MYLIP: variants seen among roughly 807,000 people sequenced by gnomAD.
The protein encoded by MYLIP is myosin regulatory light chain interacting protein.
Under a neutral mutation model 45.8 loss-of-function variants are expected in MYLIP, and 26 were observed. The observed-to-expected ratio is 0.57, with a 90% CI of 0.42 to 0.79. MYLIP has a LOEUF of 0.79. Among genes scored for constraint, MYLIP ranks in the 30% least tolerant of loss-of-function variants. The probability of loss-of-function intolerance (pLI) is 0.00; values close to 1 mark genes in which losing one functional copy is unlikely to be tolerated. For missense variants in MYLIP, 494 were observed against 555.6 expected (o/e 0.89, Z 1.11); for synonymous variants, 213 against 218.1 (o/e 0.98, Z 0.21).
rs528154321 is a variant in MYLIP, at chr6:16,132,179, T to C, written c.278+1432T>C. Among the ~76,000 whole-genome samples the C allele has an allele frequency of 7.9e-5, 12 of 152,314 alleles. No homozygotes were observed. In the East Asian group the frequency reaches 2.3e-3, roughly 29 times the overall value. On this transcript the variant is annotated intron_variant, in intron 2 of 6. Transcript: ENST00000356840. ...AATTATTTTTTAAATCTTCAGAAGC[T>C]TGGAGTACCAAATAACTGCATTTAA...
chr6:16,152,419 G>A (rs1372210876), downstream of MYLIP, among the ~76,000 whole-genome samples: 1 of 152,218 alleles, frequency 6.6e-6, no homozygotes, highest in East Asian at 1.9e-4. Flanking sequence ...AGCAATGTCT[G>A]GAGATGTTCT....
intron 2 of MYLIP, among the ~76,000 whole-genome samples, chr6:16,139,457 T>C (rs182491500): frequency 6.6e-6 from 1 of 152,276 alleles, no homozygotes; most frequent in Non-Finnish European, 1.5e-5. Flanking sequence ...TGTGGCAATA[T>C]TCTTCAAGTC....
chr6:16,143,283 G>T, intron 4 of MYLIP, 66 bp downstream of exon 4: 4 of 1,478,312 alleles, frequency 2.7e-6, no homozygotes, highest in Non-Finnish European at 3.8e-6. Context: ...CAATGTAATA[G>T]AAAATAGGAA....
intron 1 of MYLIP, 129 bp from the exon 2 acceptor site, chr6:16,130,428 G>A: frequency 1.1e-6 from 1 of 907,290 alleles, no homozygotes; most frequent in Non-Finnish European, 1.7e-6. Flanking sequence ...TGTTTTTCCA[G>A]TTTAGATCAG....
intron 6 of MYLIP, 144 bp from the exon 7 acceptor site, chr6:16,146,518 C>G: frequency 1.6e-6 from 1 of 631,860 alleles, no homozygotes; most frequent in East Asian, 2.8e-5. Flanking sequence ...CGGCAAAGAT[C>G]TCTACCAATT....
At position 16,146,723 on chromosome 6, in the gene MYLIP, C is replaced by A; in HGVS notation, c.1310C>A (p.Thr437Asn). ...CAGCACGTCTATCTGCCAACGCACA[C>A]CAGTCTTCTCAATCTGACTGTAATC... ...HVQHVYLPTH[T>N]SLLNLTVI The change falls in exon 7 of 7, where the codon ACC (threonine) becomes AAC (asparagine). Residue 437 changes from threonine to asparagine, a missense_variant. Physicochemically the swap from Thr to Asn is moderately conservative, Grantham distance 65 (BLOSUM62 0). Transcript: ENST00000356840. 2 of 1,611,356 alleles carry A rather than the reference C, an allele frequency of 1.2e-6. No homozygotes were observed. Among genetic ancestry groups the A allele is most frequent in the Non-Finnish European group, 1.7e-6 (2 of 1,178,400 alleles).
the MYLIP span, chr6:16,163,754 A>G: frequency 6.6e-6 from 1 of 152,216 alleles, no homozygotes; most frequent in South Asian, 2.1e-4. Flanking sequence ...ACATAAAATC[A>G]ACATTGTCCA....
chr6:16,134,135 G>A (rs1017818826), intron 2 of MYLIP, among the ~76,000 whole-genome samples: 2 of 152,032 alleles, frequency 1.3e-5, no homozygotes, highest in East Asian at 1.9e-4. Flanking sequence ...ATATACTTAC[G>A]TGGTAATTTG....
chr6:16,141,578 T>C, intron 2 of MYLIP, 47 bp from the exon 3 acceptor site: 1 of 1,515,658 alleles, frequency 6.6e-7, no homozygotes, highest in Non-Finnish European at 9.0e-7. Flanking sequence ...CTGAGATTGA[T>C]GTCAGGTTAT....
At chr6:16,142,099 C>A (rs1025481009) in intron 3 of MYLIP, among the ~76,000 whole-genome samples, 1 of 152,194 alleles carries the variant, frequency 6.6e-6, no homozygotes, top group East Asian at 1.9e-4. Flanking sequence ...GACACCAGAG[C>A]ATGAACATGG....
rs1759819498 is a variant in MYLIP at position 16,147,563 on chromosome 6, G to A, written c.*812G>A. ...AACAGAGAGCACTCTCCTTGGGAAGGGAAAGCGGAGCTTGCTGAGTGAGAG... is the reference window on the plus strand; with the variant it reads ...AACAGAGAGCACTCTCCTTGGGAAGAGAAAGCGGAGCTTGCTGAGTGAGAG... On this transcript the variant is annotated 3_prime_UTR_variant, in exon 7 of 7. Coordinates refer to ENST00000356840, the MANE Select transcript of MYLIP (RefSeq NM_013262.4). 6.6e-6 allele frequency: 1 copy of A among 152,238 alleles called. No homozygotes were observed. 9.4% of individuals were successfully genotyped at this position (152,238 alleles called of 1,614,324 possible).
chr6:16,146,829 G>C lies in MYLIP; in HGVS notation c.*78G>C. On this transcript the variant is annotated 3_prime_UTR_variant, in exon 7 of 7. Transcript: ENST00000356840. ...AACTATTAAAATGATAGATTGTGGAGAAAGTAATTATTCCAACACCCATCT... is the reference window on the plus strand; with the variant it reads ...AACTATTAAAATGATAGATTGTGGACAAAGTAATTATTCCAACACCCATCT... The C allele has an allele frequency of 8.5e-7, 1 of 1,180,266 alleles. No individual in the cohort carries two copies. The highest frequency in any genetic ancestry group is 1.2e-6 in the Non-Finnish European group (1 of 840,414). 73.1% of individuals were successfully genotyped at this position (1,180,266 alleles called of 1,614,324 possible). A position where few individuals can be genotyped will look rare whatever the true frequency, so the allele number is the denominator to read the frequency against.
chr6:16,140,798 T>C (rs1431924207), intron 2 of MYLIP, among the ~76,000 whole-genome samples: 1 of 152,190 alleles, frequency 6.6e-6, no homozygotes, highest in East Asian at 1.9e-4. Flanking sequence ...ACGTGCTCCC[T>C]TGGCAAGCCG....
intron 2 of MYLIP, among the ~76,000 whole-genome samples, chr6:16,131,168 C>G (rs564227463): frequency 2.9e-4 from 44 of 152,176 alleles, no homozygotes; most frequent in Admixed American, 1.4e-3. Context: ...AAGCAGGAAA[C>G]AGTTCCTCTT....
chr6:16,151,361 AAAAAAAG>A (rs1200331538), downstream of MYLIP, among the ~76,000 whole-genome samples: 26 of 151,730 alleles, frequency 1.7e-4, no homozygotes, highest in Admixed American at 1.7e-3. Flanking sequence ...CATCTCAAAA[AAAAAAAG>A]AAAAAAGAAA....
At chr6:16,161,827 A>G in the MYLIP span, among the ~76,000 whole-genome samples, 1 of 152,222 alleles carries the variant, frequency 6.6e-6, no homozygotes, top group African/African-American at 2.4e-5. Flanking sequence ...ACCCCTTTAT[A>G]TAGTAAAAAT....
In MYLIP at chr6:16,138,755, T is replaced by C. The variant is rs79499663; in HGVS notation, c.279-2870T>C. On this transcript the variant is annotated intron_variant, in intron 2 of 6. Coordinates refer to ENST00000356840, the MANE Select transcript of MYLIP (RefSeq NM_013262.4). ...AAATGAAAAGGTTGCTTTATAGCCATGAAACTGCAAAATGCAGGAAGGGAC... is the reference window on the plus strand; with the variant it reads ...AAATGAAAAGGTTGCTTTATAGCCACGAAACTGCAAAATGCAGGAAGGGAC... Among the ~76,000 whole-genome samples the C allele has an allele frequency of 6.4e-3, 974 of 152,290 alleles. 13 individuals are homozygous for C. The highest frequency in any genetic ancestry group is 0.022 in the African/African-American group (900 of 41,564).
chr6:16,161,424 C>G, the MYLIP span: 1 of 171,372 alleles, frequency 5.8e-6, no homozygotes, highest in Non-Finnish European at 1.3e-5. Flanking sequence ...TACTTACATA[C>G]ATCACCTCAA....
intron 2 of MYLIP, among the ~76,000 whole-genome samples, chr6:16,141,392 T>A (rs1174792089): frequency 6.6e-6 from 1 of 152,368 alleles, no homozygotes; most frequent in East Asian, 1.9e-4. Flanking sequence ...ACCGAACTTG[T>A]GTTAAATAAG....
Sources: gnomAD v4.1 joint callset for allele counts (sites outside exome capture counted in the v4.1 genomes callset) on GRCh38, gnomAD v4.1.1 for gene constraint, MANE v1.5 for transcripts, NCBI Gene and HGNC (gene_info 2026-07-23, HGNC 2026-07-21) for gene names.